TPR: variants seen among roughly 807,000 people sequenced by gnomAD.
TPR encodes the protein nucleoprotein TPR.
Under a neutral mutation model 316.1 loss-of-function variants are expected in TPR, and 51 were observed. The ratio of observed to expected loss-of-function variants is 0.16; its 90% CI spans 0.13 to 0.20. The LOEUF (loss-of-function observed/expected upper bound fraction) is 0.20. Ranked by LOEUF, TPR falls within the 10% of genes least tolerant of loss-of-function variation. TPR has a pLI of 1.00. For missense variants in TPR, 2,272 were observed against 2,754.8 expected, an observed-to-expected ratio of 0.82 and a Z score of 3.92; for synonymous variants, 981 against 914.7, an observed-to-expected ratio of 1.07 and a Z score of -1.31.
At chr1:186,321,363 C>G (rs10494583) in intron 45 of TPR, among the ~76,000 whole-genome samples, 28,427 of 152,108 alleles carry the variant, frequency 0.19, 3,011 homozygotes, top group African/African-American at 0.29. Context: ...ATACCTTAGC[C>G]ACGAATAAAT....
At chr1:186,360,050 A>C in intron 11 of TPR, 54 bp from the exon 12 acceptor site, 2 of 1,537,350 alleles carry the variant, frequency 1.3e-6, no homozygotes, top group East Asian at 4.5e-5. Context: ...GCAAATATTT[A>C]GTTGATCTAG....
rs1657287035 is a variant in TPR at position 186,312,053 on chromosome 1, ATATAT to A, written c.*1913_*1917del. On this transcript the variant is annotated 3_prime_UTR_variant, in exon 51 of 51. Coordinates refer to ENST00000367478, the MANE Select transcript of TPR (RefSeq NM_003292.3). ...TGACTAATAGCCATTATTAATATCA[ATATAT>A]TATATGAAAAATGAGAACAAAACTG... 5.1e-5 allele frequency: 39 copies of A among 757,706 alleles called. 1 individual carries two copies. The South Asian group carries it at 5.8e-4, about 11-fold the overall frequency. 46.9% of individuals were successfully genotyped at this position (757,706 alleles called of 1,614,324 possible). A position where few individuals can be genotyped will look rare whatever the true frequency, so the allele number is the denominator to read the frequency against.
At chr1:186,331,137 T>C (rs1488228784) in intron 39 of TPR, among the ~76,000 whole-genome samples, 1 of 152,018 alleles carries the variant, frequency 6.6e-6, no homozygotes, top group African/African-American at 2.4e-5. Flanking sequence ...AGGGAAATAA[T>C]ACAGGGGAGT....
In TPR at chr1:186,346,182, C is replaced by T. The variant is rs1189446789; in HGVS notation, c.3049G>A (p.Glu1017Lys). The change falls in exon 23 of 51, where the codon GAA (glutamate) becomes AAA (lysine). Residue 1017 changes from glutamate (E) to lysine (K), a missense_variant. Around this residue, in one of 10 missense-constraint regions of TPR, gnomAD observed 757 missense variants for 859.8 expected, o/e 0.88. Transcript: ENST00000367478. ...KLMEVEKEKQ[E>K]LQDDKRRAIE... ...GCTCTTCTTTTATCATCCTGAAGTT[C>T]TTGTTTTTCCTTCTCTACTTCCATC... The T allele has an allele frequency of 6.2e-7, 1 of 1,613,098 alleles. No homozygotes were observed. Among genetic ancestry groups the T allele is most frequent in the Admixed American group, 1.7e-5 (1 of 59,958 alleles).
intron 4 of TPR, among the ~76,000 whole-genome samples, chr1:186,365,730 ACT>A (rs1174382748): frequency 6.6e-6 from 1 of 152,232 alleles, no homozygotes; most frequent in East Asian, 1.9e-4. Flanking sequence ...GTTGGAGGAA[ACT>A]CTCCAGATGT....
intron 11 of TPR, 129 bp downstream of exon 11, chr1:186,360,144 C>T (rs1659140524): frequency 7.6e-7 from 1 of 1,311,918 alleles, no homozygotes; most frequent in African/African-American, 1.5e-5. Flanking sequence ...CCAAAGAAAG[C>T]CTTTCCTAGA....
In TPR at chr1:186,332,303, A is replaced by C. The variant is rs776263785; in HGVS notation, c.5496T>G (p.Arg1832=). ...TPSSSLPKRT[R]EEEEDSTIEA... is the part of the protein sequence containing the mutation. ...CTATGGTGCTATCCTCTTCCTCTTC[A>C]CGTGTACGCTTTGGCAAAGAAGAAC... Residue 1832 remains arginine, a synonymous_variant, in exon 38 of 51, where the codon CGT becomes CGG. Coordinates refer to ENST00000367478, the MANE Select transcript of TPR (RefSeq NM_003292.3). 7.4e-6 allele frequency: 12 copies of C among 1,612,620 alleles called. No individual in the cohort carries two copies. The highest frequency in any genetic ancestry group is 9.3e-6 in the Non-Finnish European group (11 of 1,179,288).
At chr1:186,347,142 G>T (rs1206355567) in intron 22 of TPR, 150 bp downstream of exon 22, 2 of 753,620 alleles carry the variant, frequency 2.7e-6, no homozygotes, top group Non-Finnish European at 4.1e-6. Context: ...TGTTTTATCT[G>T]GCTTATGAGA....
At chr1:186,368,073 T>G in intron 3 of TPR, 91 bp from the exon 4 acceptor site, 19 of 789,726 alleles carry the variant, frequency 2.4e-5, no homozygotes, top group Non-Finnish European at 3.9e-5. Context: ...ACATCAGCTG[T>G]AGTGTAAATG....
intron 50 of TPR, 46 bp from the exon 51 acceptor site, chr1:186,314,072 C>A: frequency 1.3e-6 from 2 of 1,560,486 alleles, no homozygotes; most frequent in South Asian, 2.3e-5. Context: ...TTTAAGAATT[C>A]AAAACTAGTG....
At chr1:186,373,874 G>C (rs1438998402) in intron 1 of TPR, among the ~76,000 whole-genome samples, 3 of 152,142 alleles carry the variant, frequency 2.0e-5, no homozygotes, top group Non-Finnish European at 4.4e-5. Flanking sequence ...GATATTACCT[G>C]AAAGCATAAA....
intron 42 of TPR, among the ~76,000 whole-genome samples, chr1:186,324,546 G>A (rs138449398): frequency 1.3e-5 from 2 of 152,304 alleles, no homozygotes; most frequent in African/African-American, 4.8e-5. Context: ...TTAAAAGTCT[G>A]AGGTCTAGAT....
At position 186,341,298 on chromosome 1, in the gene TPR, T is replaced by C; in HGVS notation, c.3842A>G (p.Glu1281Gly). ...VVMETNKMLR[E>G]EKERLEQDLQ... ...ATCCTGTTCTAGTCTCTCCTTCTCT[T>C]CTCTTAGCATTTTATTGGTCTCCAT... Residue 1281 changes from glutamate to glycine, a missense_variant, in exon 28 of 51, where the codon GAA becomes GGA. By Grantham distance (98) the Glu-to-Gly change is moderately conservative. This residue lies in a region of TPR where 757 missense variants were observed against 859.8 expected (regional missense o/e 0.88). Transcript: ENST00000367478. 1 of 1,614,068 alleles carries C rather than the reference T, an allele frequency of 6.2e-7. No individual in the cohort carries two copies. The highest frequency in any genetic ancestry group is 8.5e-7 in the Non-Finnish European group (1 of 1,180,008).
intron 21 of TPR, among the ~76,000 whole-genome samples, chr1:186,349,672 A>AT (rs1658798822): frequency 3.3e-5 from 5 of 150,610 alleles, no homozygotes; most frequent in Non-Finnish European, 7.4e-5. Context: ...AAAAAAAAAA[A>AT]AAAATAAATA....
Position 186,331,996 on chromosome 1 carries a change from T to C in TPR, c.5604+199A>G, listed in dbSNP as rs143831660. On this transcript the variant is annotated intron_variant, in intron 38 of 50. Transcript: ENST00000367478. ...TTATTGAAATAGAAACAAATGCAAT[T>C]AAAGATATGCAAGAATATAAAACAC... Among the ~76,000 whole-genome samples the C allele has an allele frequency of 2.9e-3, 449 of 152,258 alleles. 2 individuals carry two copies. Among genetic ancestry groups the C allele is most frequent in the Non-Finnish European group, 4.3e-3 (294 of 67,996 alleles).
Position 186,320,420 on chromosome 1 carries a change from T to TA in TPR, c.6462-3dup, listed in dbSNP as rs767023482. 2 of 1,603,490 alleles carry TA rather than the reference T, an allele frequency of 1.2e-6. No individual in the cohort carries two copies. Among genetic ancestry groups the TA allele is most frequent in the Non-Finnish European group, 1.7e-6 (2 of 1,174,480 alleles). The stretch of plus-strand genomic sequence containing the variant: ...GGGACACCAGCAACCTGCGGCGAAC[T>TA]AAATGGACAAAAACTAATTTAAGAT... On this transcript the variant is annotated splice_polypyrimidine_tract_variant and splice_region_variant and intron_variant, in intron 45 of 50. Transcript: ENST00000367478.
intron 23 of TPR, 31 bp downstream of exon 23, chr1:186,346,102 TAA>T: frequency 1.4e-6 from 2 of 1,452,838 alleles, no homozygotes; most frequent in South Asian, 2.7e-5. Flanking sequence ...CCTTACAAGT[TAA>T]AAAAAAAATT....
At position 186,365,001 on chromosome 1, in the gene TPR, A is replaced by G. The variant is rs79824487; in HGVS notation, c.428-1556T>C. On this transcript the variant is annotated intron_variant, in intron 4 of 50. Transcript: ENST00000367478. ...CCAGCTGCCTGTCTTCTGGTTACAC[A>G]AGAAGAAGACCTGGACAATGACAGA... Among the ~76,000 whole-genome samples the G allele has an allele frequency of 5.9e-3, 897 of 152,118 alleles. 9 individuals carry two copies. The highest frequency in any genetic ancestry group is 0.021 in the African/African-American group (866 of 41,508).
intron 33 of TPR, among the ~76,000 whole-genome samples, chr1:186,335,924 A>T (rs1411985811): frequency 6.6e-6 from 1 of 152,134 alleles, no homozygotes; most frequent in Non-Finnish European, 1.5e-5. Flanking sequence ...AAATCAAGTA[A>T]GTTGTTAGGA....
Sources: gnomAD v4.1 joint callset for allele counts (sites outside exome capture counted in the v4.1 genomes callset) on GRCh38, gnomAD v4.1.1 for gene constraint, gnomAD v4.1.1 regional missense constraint, MANE v1.5 for transcripts, NCBI Gene and HGNC (gene_info 2026-07-23, HGNC 2026-07-21) for gene names.